Variants in RDM1 observed in about 807,000 individuals in gnomAD.
RDM1 encodes the protein RAD52 motif-containing protein 1.
A neutral mutation model predicts 27.7 loss-of-function variants in RDM1; 28 were observed. The ratio of observed to expected loss-of-function variants is 1.01; its 90% confidence interval spans 0.75 to 1.39. RDM1 has a LOEUF of 1.39. Among genes scored for constraint, RDM1 ranks in the 40% most tolerant of loss-of-function variants. The pLI, the probability that RDM1 is intolerant of heterozygous loss-of-function variation, is 0.00. For missense variants in RDM1, 277 were observed against 337.3 expected, an observed-to-expected ratio of 0.82 and a Z score of 1.40; for synonymous variants, 124 against 127.5, an observed-to-expected ratio of 0.97 and a Z score of 0.19.
chr17:35,928,003 T>C (rs760076530), intron 2 of RDM1, among the ~76,000 whole-genome samples: 1 of 152,160 alleles, frequency 6.6e-6, no homozygotes, highest in Non-Finnish European at 1.5e-5. Context: ...GAAGAGGGTG[T>C]TGAACAGGCT....
At position 35,925,987 on chromosome 17, in the gene RDM1, A is replaced by T. The variant is rs576946119; in HGVS notation, c.277-350T>A. On this transcript the variant is annotated intron_variant, in intron 2 of 6. Coordinates refer to ENST00000620284, the MANE Select transcript of RDM1 (RefSeq NM_145654.4). Reference sequence around the variant, plus strand: ...GTCTCTACGAAAAATACTAAAAATTAGCCAGGCATGGTGGCACGTGCCTGC... The same window carrying T: ...GTCTCTACGAAAAATACTAAAAATTTGCCAGGCATGGTGGCACGTGCCTGC... Among the ~76,000 whole-genome samples, 5 of 152,236 alleles carry T rather than the reference A, an allele frequency of 3.3e-5. No individual in the cohort carries two copies. The South Asian group carries it at 8.3e-4, about 25-fold the overall frequency.
intron 4 of RDM1, among the ~76,000 whole-genome samples, chr17:35,923,860 G>C (rs2089041013): frequency 6.6e-6 from 1 of 151,962 alleles, no homozygotes; most frequent in African/African-American, 2.4e-5. Flanking sequence ...CACTTTTTCT[G>C]CTGAAACCCT....
Position 35,930,697 on chromosome 17 carries a change from T to A in RDM1, c.31A>T (p.Ile11Phe), listed in dbSNP as rs778248130. 6.2e-7 allele frequency: 1 copy of A among 1,613,986 alleles called. No individual in the cohort carries two copies. Among genetic ancestry groups the A allele is most frequent in the Admixed American group, 1.7e-5 (1 of 60,020 alleles). ...ACTAGCAAGGTTTTGTCACTCTCGA[T>A]GGGAACCGCAAAAGGTACCAACTCC... is the stretch of plus-strand genomic sequence containing the variant. MAELVPFAVP[I>F]ESDKTLLVWE... The change falls in exon 1 of 7, where the codon ATC (isoleucine) becomes TTC (phenylalanine). Residue 11 changes from isoleucine (I) to phenylalanine (F), a missense_variant. Transcript: ENST00000620284.
chr17:35,930,695 G>T lies in RDM1; in HGVS notation c.33C>A (p.Ile11=). ...ACACTAGCAAGGTTTTGTCACTCTCGATGGGAACCGCAAAAGGTACCAACT... is the reference window on the plus strand; with the variant it reads ...ACACTAGCAAGGTTTTGTCACTCTCTATGGGAACCGCAAAAGGTACCAACT... The part of the protein sequence containing the change: MAELVPFAVP[I]ESDKTLLVWE... The change falls in exon 1 of 7, where the codon ATC becomes ATA. Residue 11 remains isoleucine, a synonymous_variant. Coordinates refer to ENST00000620284, the MANE Select transcript of RDM1 (RefSeq NM_145654.4). 6.2e-7 allele frequency: 1 copy of T among 1,613,896 alleles called. No individual in the cohort carries two copies. Among genetic ancestry groups the T allele is most frequent in the South Asian group, 1.1e-5 (1 of 91,078 alleles).
chr17:35,930,477 T>G, intron 1 of RDM1, 155 bp downstream of exon 1: 2 of 889,404 alleles, frequency 2.2e-6, no homozygotes, highest in South Asian at 3.5e-5. Flanking sequence ...AAAAATCTGT[T>G]GGGGGTCGTC....
At chr17:35,922,201 G>C (rs532252854) in intron 5 of RDM1, 1 of 166,522 alleles carries the variant, frequency 6.0e-6, no homozygotes, top group Admixed American at 6.4e-5. Context: ...GATTACAGGC[G>C]TGAGCCACCG....
chr17:35,918,122 C>T lies in RDM1; in HGVS notation c.*220G>A, dbSNP rs1003757372. ...TATTAAGTTCCGTTCGAGATCCGCTCCTCGTCACCAGGGCGATCTTATCCC... is the reference window on the plus strand; with the variant it reads ...TATTAAGTTCCGTTCGAGATCCGCTTCTCGTCACCAGGGCGATCTTATCCC... On this transcript the variant is annotated 3_prime_UTR_variant, in exon 7 of 7. Coordinates refer to ENST00000620284, the MANE Select transcript of RDM1 (RefSeq NM_145654.4). The T allele has an allele frequency of 4.4e-5, 26 of 589,300 alleles. No individual in the cohort carries two copies. Among genetic ancestry groups the T allele is most frequent in the Admixed American group, 1.2e-4 (4 of 33,786 alleles). The allele number at this position is 589,300 out of a possible 1,614,324, so 36.5% of individuals were successfully genotyped here.
intron 2 of RDM1, among the ~76,000 whole-genome samples, chr17:35,926,224 C>T (rs578122178): frequency 4.7e-4 from 71 of 151,790 alleles, no homozygotes; most frequent in Admixed American, 1.4e-3. Flanking sequence ...TCTTTGAGAA[C>T]GCAAATATCT....
At position 35,924,446 on chromosome 17, in the gene RDM1, A is replaced by C. The variant is rs542062834; in HGVS notation, c.568+158T>G. Among the ~76,000 whole-genome samples, 6 of 152,316 alleles carry C rather than the reference A, an allele frequency of 3.9e-5. No homozygotes were observed. In the South Asian group the frequency reaches 1.2e-3, roughly 32 times the overall value. On this transcript the variant is annotated intron_variant, in intron 4 of 6. Coordinates refer to ENST00000620284, the MANE Select transcript of RDM1 (RefSeq NM_145654.4). The stretch of plus-strand genomic sequence containing the variant: ...CAGGTATTGCCTACAGTAAAACCCT[A>C]TGTTGTAAGACAGAAAAACTCTGCC...
At chr17:35,926,052 T>C (rs2089135862) in intron 2 of RDM1, among the ~76,000 whole-genome samples, 1 of 151,772 alleles carries the variant, frequency 6.6e-6, no homozygotes, top group Non-Finnish European at 1.5e-5. Flanking sequence ...GGGAATCGCT[T>C]GAACCTGGGA....
intron 1 of RDM1, 154 bp downstream of exon 1, chr17:35,930,478 G>T (rs909303950): frequency 2.2e-6 from 2 of 889,052 alleles, no homozygotes; most frequent in Non-Finnish European, 1.7e-6. Context: ...AAAATCTGTT[G>T]GGGGTCGTCA....
At chr17:35,919,352 G>C (rs2088858952) in intron 6 of RDM1, among the ~76,000 whole-genome samples, 1 of 150,478 alleles carries the variant, frequency 6.6e-6, no homozygotes, top group Admixed American at 6.7e-5. Context: ...GCCATGTGAG[G>C]AGAAGCTTGA....
intron 4 of RDM1, among the ~76,000 whole-genome samples, chr17:35,923,620 G>A (rs1166142272): frequency 1.3e-5 from 2 of 151,962 alleles, no homozygotes; most frequent in Non-Finnish European, 2.9e-5. Context: ...CCGAGATCAC[G>A]CCAGTGCACT....
chr17:35,930,065 T>C lies in RDM1; in HGVS notation c.276+11A>G. 6.2e-7 allele frequency: 1 copy of C among 1,608,352 alleles called. No homozygotes were observed. Among genetic ancestry groups the C allele is most frequent in the Non-Finnish European group, 8.5e-7 (1 of 1,177,012 alleles). ...TTTCAGCGGAGCTAGGAATTCCATATTTGGACCCACCTTGACTGGAGATTT... is the reference window on the plus strand; with the variant it reads ...TTTCAGCGGAGCTAGGAATTCCATACTTGGACCCACCTTGACTGGAGATTT... On this transcript the variant is annotated intron_variant, in intron 2 of 6. Transcript: ENST00000620284.
chr17:35,929,971 G>T, intron 2 of RDM1, 105 bp downstream of exon 2: 2 of 1,023,898 alleles, frequency 2.0e-6, no homozygotes, highest in Non-Finnish European at 1.5e-6. Flanking sequence ...GTGTGGCAAT[G>T]CATCTGAAAA....
At chr17:35,918,468 T>C in intron 6 of RDM1, 25 bp from the exon 7 acceptor site, 1 of 1,586,230 alleles carries the variant, frequency 6.3e-7, no homozygotes, top group Non-Finnish European at 8.7e-7. Flanking sequence ...CTAGTTAGGG[T>C]GGCAGGCAGA....
intron 2 of RDM1, among the ~76,000 whole-genome samples, chr17:35,928,501 G>GC (rs1568405046): frequency 6.6e-6 from 1 of 151,862 alleles, no homozygotes; most frequent in Non-Finnish European, 1.5e-5. Flanking sequence ...GGTGGCTCAC[G>GC]CTTGTAATCC....
At chr17:35,921,712 C>G (rs952720498) in intron 5 of RDM1, among the ~76,000 whole-genome samples, 1 of 152,124 alleles carries the variant, frequency 6.6e-6, no homozygotes, top group Non-Finnish European at 1.5e-5. Flanking sequence ...GATAAATCAA[C>G]AATGACAATA....
chr17:35,927,231 G>C (rs771236438), intron 2 of RDM1, among the ~76,000 whole-genome samples: 1 of 151,996 alleles, frequency 6.6e-6, no homozygotes, highest in Non-Finnish European at 1.5e-5. Flanking sequence ...CTTGAGGTCA[G>C]GAGTTCAAGA....
Sources: gnomAD v4.1 joint callset for allele counts (sites outside exome capture counted in the v4.1 genomes callset) on GRCh38, gnomAD v4.1.1 for gene constraint, MANE v1.5 for transcripts, NCBI Gene and HGNC (gene_info 2026-07-23, HGNC 2026-07-21) for gene names.